CELF4: variants seen among roughly 807,000 people sequenced by gnomAD.
CELF4 encodes CUG-BP- and ETR-3-like factor 4.
CELF4 carries 18 observed loss-of-function variants against 59.9 expected under a neutral mutation model. The ratio of observed to expected loss-of-function variants is 0.30; its 90% confidence interval spans 0.21 to 0.45. CELF4 has a LOEUF of 0.45. Ranked by LOEUF, CELF4 falls within the 20% of genes least tolerant of loss-of-function variation. The pLI is 1.00. For missense variants in CELF4, 456 were observed against 689.0 expected (o/e 0.66, Z 3.79); for synonymous variants, 261 against 267.1 (o/e 0.98, Z 0.22).
chr18:37,478,618 A>T (rs1306937415), intron 2 of CELF4, among the ~76,000 whole-genome samples: 1 of 152,200 alleles, frequency 6.6e-6, no homozygotes, highest in Non-Finnish European at 1.5e-5. Context: ...CCCAGGGAGA[A>T]GGAGGACTTT....
intron 1 of CELF4, among the ~76,000 whole-genome samples, chr18:37,518,615 C>T (rs2154604561): frequency 6.6e-6 from 1 of 152,184 alleles, no homozygotes; most frequent in East Asian, 1.9e-4. Context: ...GTACAAAGCC[C>T]CCTAGGCTCC....
At chr18:37,378,931 C>T (rs1266756964) in intron 2 of CELF4, among the ~76,000 whole-genome samples, 1 of 152,210 alleles carries the variant, frequency 6.6e-6, no homozygotes, top group Non-Finnish European at 1.5e-5. Flanking sequence ...ATCAACCAGC[C>T]TTTTGTTCTC....
At chr18:37,508,828 C>A (rs563463089) in intron 1 of CELF4, among the ~76,000 whole-genome samples, 1 of 152,206 alleles carries the variant, frequency 6.6e-6, no homozygotes, top group East Asian at 1.9e-4. Context: ...CTGAGCCAAG[C>A]CAGTTTAACT....
chr18:37,310,965 G>A (rs935813638), intron 3 of CELF4, among the ~76,000 whole-genome samples: 1 of 152,168 alleles, frequency 6.6e-6, no homozygotes, highest in Non-Finnish European at 1.5e-5. Flanking sequence ...GAAGGCCGTG[G>A]TGCCTTCTCT....
At chr18:37,539,670 T>C (rs1031659781) in intron 1 of CELF4, among the ~76,000 whole-genome samples, 2 of 152,244 alleles carry the variant, frequency 1.3e-5, no homozygotes, top group Non-Finnish European at 2.9e-5. Context: ...TAGAACTTTC[T>C]GGCATGCAGA....
chr18:37,321,725 G>T, intron 3 of CELF4, 78 bp downstream of exon 3: 3 of 1,060,660 alleles, frequency 2.8e-6, no homozygotes, highest in Non-Finnish European at 2.8e-6. Flanking sequence ...GGGAGTCGCT[G>T]CATCGCCTTG....
rs139566618 is a variant in CELF4 at position 37,251,499 on chromosome 18, G to T, written c.*44+2268C>A. Among the ~76,000 whole-genome samples, 20 of 152,240 alleles carry T rather than the reference G, an allele frequency of 1.3e-4. No homozygotes were observed. The East Asian group carries it at 3.5e-3, about 26-fold the overall frequency. On this transcript the variant is annotated intron_variant, in intron 12 of 12. Transcript: ENST00000420428. ...AGGCTAAGACAAGCTACTTTCAGGG[G>T]TGCCCCTTGGAATCTCGGGACATGA...
At chr18:37,355,721 A>AAG (rs1407861765) in intron 2 of CELF4, among the ~76,000 whole-genome samples, 1 of 152,104 alleles carries the variant, frequency 6.6e-6, no homozygotes, top group Non-Finnish European at 1.5e-5. Context: ...CACAGACCTG[A>AAG]AGAGAGAGAG....
chr18:37,258,017 C>T (rs549625768), intron 11 of CELF4, among the ~76,000 whole-genome samples: 5 of 152,324 alleles, frequency 3.3e-5, no homozygotes, highest in Non-Finnish European at 7.3e-5. Context: ...TTAAGCTTCA[C>T]ATCAACAATA....
At chr18:37,395,559 C>T (rs2154579903) in intron 2 of CELF4, among the ~76,000 whole-genome samples, 1 of 152,340 alleles carries the variant, frequency 6.6e-6, no homozygotes, top group East Asian at 1.9e-4. Context: ...CTGGGATCCT[C>T]TTGTAAAACA....
At chr18:37,527,528 C>A (rs1042815515) in intron 1 of CELF4, among the ~76,000 whole-genome samples, 1 of 152,146 alleles carries the variant, frequency 6.6e-6, no homozygotes. Flanking sequence ...AAGAACTCTA[C>A]TTAGTGAAGC....
chr18:37,494,900 A>T (rs1019263281), intron 1 of CELF4, among the ~76,000 whole-genome samples: 1 of 152,026 alleles, frequency 6.6e-6, no homozygotes, highest in Non-Finnish European at 1.5e-5. Context: ...CTCAAGGGTG[A>T]CCTCATCTTC....
At chr18:37,381,968 C>T (rs2099045554) in intron 2 of CELF4, among the ~76,000 whole-genome samples, 1 of 152,170 alleles carries the variant, frequency 6.6e-6, no homozygotes, top group Non-Finnish European at 1.5e-5. Flanking sequence ...TGCTCTAGGC[C>T]TGGGAGGAGG....
chr18:37,267,614 C>T lies in CELF4; in HGVS notation c.1100-1016G>A, dbSNP rs147381616. Among the ~76,000 whole-genome samples the T allele has an allele frequency of 1.4e-3, 217 of 152,268 alleles. 2 individuals carry two copies. Among genetic ancestry groups the T allele is most frequent in the African/African-American group, 4.9e-3 (203 of 41,548 alleles). ...CAGGAAGAAACTATCTGGGCTTATC[C>T]GCCTGTCAACTCAGGCCAGCTAAGC... On this transcript the variant is annotated intron_variant, in intron 8 of 12. Coordinates refer to ENST00000420428, the MANE Select transcript of CELF4 (RefSeq NM_020180.4).
rs184942748 is a variant in CELF4, at chr18:37,431,453, C to T, written c.369+54072G>A. 5.7e-3 allele frequency among the ~76,000 whole-genome samples: 850 copies of T among 150,320 alleles called. 4 individuals carry two copies. The highest frequency in any genetic ancestry group is 8.9e-3 in the Non-Finnish European group (602 of 67,694). ...TGCAATCTCAGCTCACTGCAAGCTCCGCCTCCCAGGTTCATGCCATTCTCC... is the reference window on the plus strand; with the variant it reads ...TGCAATCTCAGCTCACTGCAAGCTCTGCCTCCCAGGTTCATGCCATTCTCC... On this transcript the variant is annotated intron_variant, in intron 2 of 12. Transcript: ENST00000420428.
intron 3 of CELF4, among the ~76,000 whole-genome samples, chr18:37,287,444 G>A (rs1448298420): frequency 6.6e-6 from 1 of 152,188 alleles, no homozygotes; most frequent in African/African-American, 2.4e-5. Context: ...ACCCTGTAAA[G>A]CTGTTGAACT....
chr18:37,521,773 C>A (rs1358972074), intron 1 of CELF4, among the ~76,000 whole-genome samples: 1 of 152,196 alleles, frequency 6.6e-6, no homozygotes, highest in Admixed American at 6.5e-5. Flanking sequence ...TGGCCTCTCC[C>A]GTCTGCCTGT....
intron 2 of CELF4, among the ~76,000 whole-genome samples, chr18:37,464,756 G>C (rs940251050): frequency 1.3e-5 from 2 of 152,182 alleles, no homozygotes; most frequent in African/African-American, 4.8e-5. Flanking sequence ...GCCCTGGCTG[G>C]TTCACAGGGA....
At position 37,474,420 on chromosome 18, in the gene CELF4, C is replaced by A. The variant is rs543739692; in HGVS notation, c.369+11105G>T. Among the ~76,000 whole-genome samples, 3 of 152,346 alleles carry A rather than the reference C, an allele frequency of 2.0e-5. No homozygotes were observed. In the South Asian group the frequency reaches 6.2e-4, roughly 32 times the overall value. Reference sequence around the variant, plus strand: ...GTGTCTAGCAATCATGCCAGAGTCTCCTGCCAGAAGAACCTGGTGTGTGGC... The same window carrying A: ...GTGTCTAGCAATCATGCCAGAGTCTACTGCCAGAAGAACCTGGTGTGTGGC... On this transcript the variant is annotated intron_variant, in intron 2 of 12. Coordinates refer to ENST00000420428, the MANE Select transcript of CELF4 (RefSeq NM_020180.4).
Sources: gnomAD v4.1 joint callset for allele counts (sites outside exome capture counted in the v4.1 genomes callset) on GRCh38, gnomAD v4.1.1 for gene constraint, MANE v1.5 for transcripts, NCBI Gene and HGNC (gene_info 2026-07-23, HGNC 2026-07-21) for gene names.